DENND11: variants seen among roughly 807,000 people sequenced by gnomAD.
DENND11 encodes DENN domain containing 11, also known as DENN domain-containing protein 11.
DENND11 carries 34 observed loss-of-function variants against 49.2 expected under a neutral mutation model. The ratio of observed to expected loss-of-function variants is 0.69; its 90% CI spans 0.53 to 0.92. The LOEUF (loss-of-function observed/expected upper bound fraction) is 0.92, where lower values mean the gene tolerates loss of function less well. DENND11 is among the 40% of genes least tolerant of loss of function. The pLI is 0.00. For missense variants in DENND11, 475 were observed against 581.6 expected, an observed-to-expected ratio of 0.82 and a Z score of 1.88; for synonymous variants, 238 against 230.3, an observed-to-expected ratio of 1.03 and a Z score of -0.30.
chr7:141,694,594 C>A (rs1435057947), intron 1 of DENND11, among the ~76,000 whole-genome samples: 2 of 152,098 alleles, frequency 1.3e-5, no homozygotes, highest in African/African-American at 4.8e-5. Context: ...AAATGAAATG[C>A]CATGACATCC....
Position 141,672,895 on chromosome 7 carries a change from T to C in DENND11, c.681+1172A>G, listed in dbSNP as rs115348333. 2.4e-3 allele frequency among the ~76,000 whole-genome samples: 359 copies of C among 152,312 alleles called. 4 individuals carry two copies. Among genetic ancestry groups the C allele is most frequent in the African/African-American group, 7.9e-3 (327 of 41,552 alleles). ...TAGTTTGAAATACCTACATGGTCTC[T>C]TTACCCGGTAAGCCCCTAATTGGTA... On this transcript the variant is annotated intron_variant, in intron 4 of 8. Transcript: ENST00000536163.
At chr7:141,678,288 A>C (rs1172588228) in intron 3 of DENND11, among the ~76,000 whole-genome samples, 1 of 152,230 alleles carries the variant, frequency 6.6e-6, no homozygotes, top group Non-Finnish European at 1.5e-5. Context: ...AAGAAATAAA[A>C]TAAAATAAAA....
At chr7:141,682,399 C>G (rs886748724) in intron 3 of DENND11, among the ~76,000 whole-genome samples, 3 of 152,204 alleles carry the variant, frequency 2.0e-5, no homozygotes, top group Non-Finnish European at 4.4e-5. Context: ...AGAGTTCTAA[C>G]TGGTCACAGG....
At position 141,657,307 on chromosome 7, in the gene DENND11, T is replaced by G. The variant is rs990631240; in HGVS notation, c.*5349A>C. On this transcript the variant is annotated 3_prime_UTR_variant, in exon 9 of 9. Transcript: ENST00000536163. The stretch of plus-strand genomic sequence containing the variant: ...CCTGAAGTCACTCATCCAGGTTGGC[T>G]GCTCAAACACCAAGAATCTCCACCA... The G allele has an allele frequency of 9.2e-5, 14 of 152,374 alleles. No individual in the cohort carries two copies. The highest frequency in any genetic ancestry group is 3.4e-4 in the African/African-American group (14 of 41,582). The allele number at this position is 152,374 out of a possible 1,614,324, so 9.4% of individuals were successfully genotyped here.
intron 3 of DENND11, 93 bp downstream of exon 3, chr7:141,685,385 T>C: frequency 6.9e-7 from 1 of 1,451,768 alleles, no homozygotes; most frequent in South Asian, 1.2e-5. Flanking sequence ...CATCTGCTGC[T>C]CTGGCACGCA....
At chr7:141,688,549 G>T (rs115556678) in intron 1 of DENND11, among the ~76,000 whole-genome samples, 2,956 of 152,238 alleles carry the variant, frequency 0.019, 68 homozygotes, top group Middle Eastern at 0.061. Flanking sequence ...AGAAAGCCTC[G>T]AACAATGTTA....
chr7:141,696,327 A>C (rs1465245573), intron 1 of DENND11, among the ~76,000 whole-genome samples: 1 of 152,174 alleles, frequency 6.6e-6, no homozygotes, highest in East Asian at 1.9e-4. Flanking sequence ...AAAATTCATC[A>C]CTATTTCCTA....
intron 4 of DENND11, 138 bp downstream of exon 4, chr7:141,673,929 T>C: frequency 1.9e-6 from 2 of 1,073,460 alleles, no homozygotes; most frequent in Non-Finnish European, 2.6e-6. Flanking sequence ...AATGCTTATG[T>C]TGCAACTCTG....
chr7:141,698,435 C>T (rs1236811324), intron 1 of DENND11, among the ~76,000 whole-genome samples: 4 of 152,182 alleles, frequency 2.6e-5, no homozygotes, highest in Non-Finnish European at 5.9e-5. Flanking sequence ...TCAATAGCAG[C>T]TTTGTGGCCC....
intron 3 of DENND11, among the ~76,000 whole-genome samples, chr7:141,678,314 T>C (rs1798099621): frequency 6.6e-6 from 1 of 152,228 alleles, no homozygotes; most frequent in Non-Finnish European, 1.5e-5. Context: ...ATGTATAATA[T>C]ATATTTGCAC....
chr7:141,700,059 A>T (rs1397662355), intron 1 of DENND11, among the ~76,000 whole-genome samples: 2 of 152,160 alleles, frequency 1.3e-5, no homozygotes, highest in African/African-American at 4.8e-5. Flanking sequence ...GGCCAATATC[A>T]ATAATTGATC....
At chr7:141,680,271 G>A (rs1427532527) in intron 3 of DENND11, among the ~76,000 whole-genome samples, 1 of 150,934 alleles carries the variant, frequency 6.6e-6, no homozygotes, top group Non-Finnish European at 1.5e-5. Context: ...GCTGTTGAAT[G>A]AAAAAGGCTA....
In DENND11 at chr7:141,702,002, T is replaced by G; in HGVS notation, c.152A>C (p.Glu51Ala). Residue 51 changes from glutamate to alanine, a missense_variant, in exon 1 of 9, where the codon GAG (glutamate) becomes GCG (alanine). Physicochemically the swap from Glu to Ala is moderately radical, Grantham distance 107 (BLOSUM62 -1). Coordinates refer to ENST00000536163, the MANE Select transcript of DENND11 (RefSeq NM_001080392.2). ...RPAAEPPRRR[E>A]PEEPAAPEVL... The stretch of plus-strand genomic sequence containing the variant: ...CTCCGGGGCGGCCGGCTCCTCGGGC[T>G]CCCGCCTCCGGGGCGGCTCCGCGGC... The G allele has an allele frequency of 2.7e-6, 3 of 1,123,750 alleles. No individual in the cohort carries two copies. Among genetic ancestry groups the G allele is most frequent in the Non-Finnish European group, 3.3e-6 (3 of 919,964 alleles). 69.6% of individuals were successfully genotyped at this position (1,123,750 alleles called of 1,614,324 possible).
In DENND11 at chr7:141,685,610, C is replaced by A; in HGVS notation, c.395G>T (p.Gly132Val). 6.2e-7 allele frequency: 1 copy of A among 1,614,000 alleles called. No homozygotes were observed. Among genetic ancestry groups the A allele is most frequent in the South Asian group, 1.1e-5 (1 of 91,084 alleles). ...FIYFRKGPFF[G>V]LACFANMPVE... ...GGGCATGTTGGCAAAGCAGGCCAGGCCGAAGAAGGGCCCCTTTCGGAAATA... is the reference window on the plus strand; with the variant it reads ...GGGCATGTTGGCAAAGCAGGCCAGGACGAAGAAGGGCCCCTTTCGGAAATA... Residue 132 changes from glycine to valine, a missense_variant, in exon 3 of 9, where the codon GGC becomes GTC. By Grantham distance (109) the Gly-to-Val change is moderately radical (BLOSUM62 -3). Coordinates refer to ENST00000536163, the MANE Select transcript of DENND11 (RefSeq NM_001080392.2).
chr7:141,695,627 T>A (rs958227992), intron 1 of DENND11, among the ~76,000 whole-genome samples: 6 of 152,236 alleles, frequency 3.9e-5, no homozygotes, highest in African/African-American at 1.4e-4. Context: ...CATTCCATGC[T>A]TTTAGGTTTT....
rs550381207 is a variant in DENND11 at position 141,701,054 on chromosome 7, C to A, written c.268+832G>T. On this transcript the variant is annotated intron_variant, in intron 1 of 8. Coordinates refer to ENST00000536163, the MANE Select transcript of DENND11 (RefSeq NM_001080392.2). ...TCAGAGTCAGAAGTCCCTAGCTGACCCTCCAAGGCTTCCTGGGCGCGCAGG... is the reference window on the plus strand; with the variant it reads ...TCAGAGTCAGAAGTCCCTAGCTGACACTCCAAGGCTTCCTGGGCGCGCAGG... Among the ~76,000 whole-genome samples the A allele has an allele frequency of 1.4e-3, 207 of 152,154 alleles. 3 individuals are homozygous for A. The highest frequency in any genetic ancestry group is 4.9e-3 in the African/African-American group (204 of 41,506).
intron 4 of DENND11, among the ~76,000 whole-genome samples, chr7:141,668,189 G>A (rs1797924161): frequency 1.3e-5 from 2 of 152,214 alleles, no homozygotes; most frequent in South Asian, 4.1e-4. Flanking sequence ...GCCATGATGG[G>A]AGAAGAATGG....
chr7:141,686,397 A>T (rs1374584548), intron 2 of DENND11, among the ~76,000 whole-genome samples, 162 bp downstream of exon 2: 1 of 152,216 alleles, frequency 6.6e-6, no homozygotes, highest in Non-Finnish European at 1.5e-5. Context: ...TGAAAGCTAG[A>T]CATCTCACTA....
intron 7 of DENND11, 133 bp from the exon 8 acceptor site, chr7:141,664,373 G>A (rs1478021909): frequency 3.0e-6 from 2 of 662,340 alleles, no homozygotes; most frequent in East Asian, 2.8e-5. Context: ...GATCAACAGG[G>A]TTTGGACTCA....
Sources: gnomAD v4.1 joint callset for allele counts (sites outside exome capture counted in the v4.1 genomes callset) on GRCh38, gnomAD v4.1.1 for gene constraint, MANE v1.5 for transcripts, NCBI Gene and HGNC (gene_info 2026-07-23, HGNC 2026-07-21) for gene names.